The following DLC1 variants were observed in gnomAD, a reference collection of about 807,000 sequenced individuals.
The protein encoded by DLC1 is DLC1 Rho GTPase activating protein.
A neutral mutation model predicts 140.3 loss-of-function variants in DLC1; 54 were observed. The observed-to-expected ratio is 0.38, with a 90% CI of 0.31 to 0.48. DLC1 has a LOEUF of 0.48. Ranked by LOEUF, DLC1 falls within the 20% of genes least tolerant of loss-of-function variation. DLC1 has a pLI of 0.96. For missense variants in DLC1, 2,536 were observed against 1,907.0 expected (o/e 1.33, Z -6.14); for synonymous variants, 986 against 728.1 (o/e 1.35, Z -5.70).
chr8:13,458,012 T>G (rs1799490167), intron 2 of DLC1, among the ~76,000 whole-genome samples: 1 of 152,114 alleles, frequency 6.6e-6, no homozygotes, highest in South Asian at 2.1e-4. Flanking sequence ...GACCACGAAG[T>G]TGGACAGTAA....
intron 1 of DLC1, among the ~76,000 whole-genome samples, chr8:13,570,348 GGTTA>G (rs1369468487): frequency 6.7e-6 from 1 of 149,150 alleles, no homozygotes; most frequent in Non-Finnish European, 1.5e-5. Context: ...ACATTGTGCA[GGTTA>G]GTTACATATG....
chr8:13,318,898 A>C (rs1671400), intron 4 of DLC1, among the ~76,000 whole-genome samples: 1 of 152,112 alleles, frequency 6.6e-6, no homozygotes, highest in South Asian at 2.1e-4. Context: ...CCACACTAGA[A>C]AGTGTTTATA....
At chr8:13,390,323 T>C (rs1836694707) in intron 4 of DLC1, among the ~76,000 whole-genome samples, 2 of 152,228 alleles carry the variant, frequency 1.3e-5, no homozygotes, top group South Asian at 2.1e-4. Context: ...CTGCATAGTA[T>C]TCCATGGTGT....
chr8:13,112,650 G>A (rs1256932997), intron 6 of DLC1, among the ~76,000 whole-genome samples: 1 of 152,204 alleles, frequency 6.6e-6, no homozygotes, highest in African/African-American at 2.4e-5. Flanking sequence ...TAGTAAATGA[G>A]GGAAGACAGG....
intron 5 of DLC1, among the ~76,000 whole-genome samples, chr8:13,252,860 G>A (rs567212158): frequency 6.6e-6 from 1 of 152,234 alleles, no homozygotes; most frequent in East Asian, 1.9e-4. Context: ...TTGACCTATA[G>A]CCACATGTCT....
At chr8:13,309,663 C>A (rs914922456) in intron 4 of DLC1, among the ~76,000 whole-genome samples, 1 of 152,242 alleles carries the variant, frequency 6.6e-6, no homozygotes, top group South Asian at 2.1e-4. Flanking sequence ...TGGAAATGTT[C>A]TAAACATATG....
At chr8:13,482,684 A>C (rs1289177865) in intron 2 of DLC1, among the ~76,000 whole-genome samples, 1 of 152,204 alleles carries the variant, frequency 6.6e-6, no homozygotes, top group Non-Finnish European at 1.5e-5. Flanking sequence ...ATATAGCCTG[A>C]CGTGATTACG....
chr8:13,465,612 A>T (rs1224358354), intron 2 of DLC1, among the ~76,000 whole-genome samples: 1 of 152,052 alleles, frequency 6.6e-6, no homozygotes, highest in Non-Finnish European at 1.5e-5. Flanking sequence ...TTTAAAGGAC[A>T]TTCTCATTAG....
Position 13,090,239 on chromosome 8 carries a change from G to A in DLC1, c.4074+13C>T, listed in dbSNP as rs1817931818. The A allele has an allele frequency of 6.2e-7, 1 of 1,611,816 alleles. No individual in the cohort carries two copies. Among genetic ancestry groups the A allele is most frequent in the Non-Finnish European group, 8.5e-7 (1 of 1,178,930 alleles). Reference sequence around the variant, plus strand: ...CCTGGACTCAACTAGCCGACAACAGGGTGAAGCCTTACCTTCTTATAGGAC... The same window carrying A: ...CCTGGACTCAACTAGCCGACAACAGAGTGAAGCCTTACCTTCTTATAGGAC... On this transcript the variant is annotated intron_variant, in intron 15 of 17. Transcript: ENST00000276297.
intron 5 of DLC1, chr8:13,276,731 A>T: frequency 4.6e-6 from 2 of 436,960 alleles, no homozygotes; most frequent in Non-Finnish European, 3.1e-6. Context: ...GTCACATAGC[A>T]GGTCTTCCCT....
At chr8:13,531,550 C>T (rs961919312) in intron 1 of DLC1, among the ~76,000 whole-genome samples, 4 of 152,182 alleles carry the variant, frequency 2.6e-5, no homozygotes, top group African/African-American at 7.2e-5. Context: ...CACACCACTG[C>T]ATTCCAGGCT....
At chr8:13,148,831 C>G (rs1033897816) in intron 5 of DLC1, among the ~76,000 whole-genome samples, 6 of 152,028 alleles carry the variant, frequency 3.9e-5, no homozygotes, top group African/African-American at 9.7e-5. Flanking sequence ...CTTGCTCTGT[C>G]TCCCAGGCTG....
At chr8:13,219,429 T>TAATTCATATAATTATACTTATAC (rs1828434239) in intron 5 of DLC1, among the ~76,000 whole-genome samples, 1 of 143,814 alleles carries the variant, frequency 7.0e-6, no homozygotes, top group Non-Finnish European at 1.5e-5. Context: ...TATACTTATA[T>TAATTCATATAATTATACTTATAC]AATTATAATT....
intron 5 of DLC1, among the ~76,000 whole-genome samples, chr8:13,264,887 A>G (rs1219652907): frequency 1.3e-5 from 2 of 152,250 alleles, no homozygotes; most frequent in Non-Finnish European, 2.9e-5. Context: ...CACTGGGATT[A>G]CATGTCCCGG....
At chr8:13,372,859 T>C (rs1835790962) in intron 4 of DLC1, among the ~76,000 whole-genome samples, 1 of 152,172 alleles carries the variant, frequency 6.6e-6, no homozygotes, top group Admixed American at 6.5e-5. Flanking sequence ...TAATTTATAA[T>C]AAATGTTCTT....
chr8:13,433,597 TA>T (rs1838982591), intron 2 of DLC1, among the ~76,000 whole-genome samples: 1 of 152,210 alleles, frequency 6.6e-6, no homozygotes, highest in Non-Finnish European at 1.5e-5. Flanking sequence ...AACTGATTTT[TA>T]AAAGAAATTT....
chr8:13,574,992 A>T, intron 1 of DLC1, among the ~76,000 whole-genome samples: 1 of 152,212 alleles, frequency 6.6e-6, no homozygotes. Context: ...TTTTGCCTAA[A>T]AGTGACAGAT....
intron 1 of DLC1, among the ~76,000 whole-genome samples, chr8:13,566,135 AT>A (rs1411563866): frequency 7.2e-5 from 11 of 152,184 alleles, no homozygotes; most frequent in Non-Finnish European, 1.2e-4. Context: ...TCAGATACTC[AT>A]ACAATCACAT....
chr8:13,326,617 T>C (rs1833357726), intron 4 of DLC1, among the ~76,000 whole-genome samples: 1 of 152,152 alleles, frequency 6.6e-6, no homozygotes, highest in South Asian at 2.1e-4. Flanking sequence ...TATGTCTAAG[T>C]TGTAAAACGG....
Sources: gnomAD v4.1 joint callset for allele counts (sites outside exome capture counted in the v4.1 genomes callset) on GRCh38, gnomAD v4.1.1 for gene constraint, MANE v1.5 for transcripts, NCBI Gene and HGNC (gene_info 2026-07-23, HGNC 2026-07-21) for gene names.